The following C1orf21 variants were observed in gnomAD, a reference collection of about 807,000 sequenced individuals.
C1orf21 encodes the protein chromosome 1 open reading frame 21, also known as uncharacterized protein C1orf21.
In C1orf21, 3 loss-of-function variants were observed where a neutral mutation model predicts 18.7. That is an observed-to-expected ratio of 0.16 (90% CI 0.07 to 0.42). The LOEUF (loss-of-function observed/expected upper bound fraction) is 0.42. Ranked by LOEUF, C1orf21 falls within the 10% of genes least tolerant of loss-of-function variation. The probability of loss-of-function intolerance (pLI) is 0.99; values close to 1 mark genes in which losing one functional copy is unlikely to be tolerated. For synonymous variants in C1orf21, 41 were observed against 46.4 expected (o/e 0.88, Z 0.47); for missense variants, 104 against 143.6 (o/e 0.72, Z 1.41).
chr1:184,419,155 G>A (rs545798929), intron 1 of C1orf21, among the ~76,000 whole-genome samples: 25 of 152,138 alleles, frequency 1.6e-4, no homozygotes, highest in African/African-American at 5.8e-4. Flanking sequence ...AGGCAGTCAC[G>A]GTGGTGTGAT....
intron 5 of C1orf21, among the ~76,000 whole-genome samples, chr1:184,617,192 C>T (rs1659839280): frequency 6.6e-6 from 1 of 152,134 alleles, no homozygotes; most frequent in Non-Finnish European, 1.5e-5. Context: ...GGGATGGAGA[C>T]CGTGATTATC....
intron 3 of C1orf21, among the ~76,000 whole-genome samples, chr1:184,578,905 G>A (rs570483539): frequency 4.0e-5 from 6 of 150,612 alleles, no homozygotes; most frequent in South Asian, 4.2e-4. Flanking sequence ...GCTCTGTCAC[G>A]TTTGAGACAG....
At chr1:184,451,972 G>C (rs1463887970) in intron 1 of C1orf21, among the ~76,000 whole-genome samples, 1 of 152,104 alleles carries the variant, frequency 6.6e-6, no homozygotes, top group Non-Finnish European at 1.5e-5. Context: ...ATGAATAAAA[G>C]CACTCCTCAG....
chr1:184,410,616 AT>A lies in C1orf21; in HGVS notation c.-125+23250del, dbSNP rs1163343010. Among the ~76,000 whole-genome samples the A allele has an allele frequency of 1.0e-3, 43 of 41,982 alleles. 5 individuals are homozygous for A. The highest frequency in any genetic ancestry group is 6.4e-3 in the African/African-American group (29 of 4,502). The allele number at this position is 41,982 out of a possible 152,430, so 27.5% of individuals were successfully genotyped here. A position where few individuals can be genotyped will look rare whatever the true frequency, so the allele number is the denominator to read the frequency against. On this transcript the variant is annotated intron_variant, in intron 1 of 5. Coordinates refer to ENST00000235307, the MANE Select transcript of C1orf21 (RefSeq NM_030806.4). ...AGTGAAAGATTAATTTGCCATATAT[AT>A]TATATATATATATATATATATATAT...
intron 1 of C1orf21, among the ~76,000 whole-genome samples, chr1:184,396,058 A>G (rs1218646652): frequency 1.3e-5 from 2 of 152,178 alleles, no homozygotes; most frequent in Admixed American, 6.5e-5. Context: ...GAAGAAATGT[A>G]ATGACGTGGA....
At chr1:184,553,130 C>G (rs1571411871) in intron 3 of C1orf21, among the ~76,000 whole-genome samples, 1 of 152,090 alleles carries the variant, frequency 6.6e-6, no homozygotes, top group Admixed American at 6.5e-5. Flanking sequence ...TTAATACAAT[C>G]TGGGTACGAC....
At chr1:184,571,142 A>G (rs1659105135) in intron 3 of C1orf21, among the ~76,000 whole-genome samples, 1 of 152,044 alleles carries the variant, frequency 6.6e-6, no homozygotes, top group South Asian at 2.1e-4. Context: ...AAAATACAAA[A>G]AAAAATTAGC....
At chr1:184,403,263 G>A (rs529168134) in intron 1 of C1orf21, among the ~76,000 whole-genome samples, 3 of 152,324 alleles carry the variant, frequency 2.0e-5, no homozygotes, top group Admixed American at 6.5e-5. Context: ...AATAGTAAGA[G>A]TAACCTACAA....
At chr1:184,564,520 C>G (rs1659009521) in intron 3 of C1orf21, among the ~76,000 whole-genome samples, 1 of 152,076 alleles carries the variant, frequency 6.6e-6, no homozygotes, top group Admixed American at 6.6e-5. Flanking sequence ...GTTGGCCAGG[C>G]TGGTCTTGAA....
chr1:184,427,849 A>C (rs1253817250), intron 1 of C1orf21, among the ~76,000 whole-genome samples: 1 of 151,972 alleles, frequency 6.6e-6, no homozygotes, highest in African/African-American at 2.4e-5. Context: ...CTCTTAGCTC[A>C]TTTTGGGCAC....
chr1:184,466,080 A>G (rs946664536), intron 1 of C1orf21, among the ~76,000 whole-genome samples: 2 of 152,194 alleles, frequency 1.3e-5, no homozygotes, highest in African/African-American at 4.8e-5. Context: ...GCTACTTCAA[A>G]TGGAGAACAT....
intron 1 of C1orf21, among the ~76,000 whole-genome samples, chr1:184,425,419 C>A (rs1366405286): frequency 1.3e-5 from 2 of 152,004 alleles, no homozygotes; most frequent in Admixed American, 6.6e-5. Flanking sequence ...GCATGTGCCA[C>A]CATGCCTAAT....
intron 1 of C1orf21, among the ~76,000 whole-genome samples, chr1:184,417,483 C>A (rs928159626): frequency 6.6e-6 from 1 of 152,088 alleles, no homozygotes; most frequent in African/African-American, 2.4e-5. Flanking sequence ...AAATTATAGA[C>A]CTCAAAAATT....
intron 2 of C1orf21, among the ~76,000 whole-genome samples, chr1:184,505,219 T>C (rs1211544704): frequency 6.7e-6 from 1 of 150,178 alleles, no homozygotes; most frequent in Non-Finnish European, 1.5e-5. Flanking sequence ...TCTGGGTCTT[T>C]CAGAAGGTTC....
intron 3 of C1orf21, among the ~76,000 whole-genome samples, chr1:184,568,235 T>G (rs898534912): frequency 6.6e-6 from 1 of 152,164 alleles, no homozygotes; most frequent in Non-Finnish European, 1.5e-5. Context: ...AATATAAAAT[T>G]TATCATCTTA....
At chr1:184,552,639 TCCCAGTATTA>T (rs1412586342) in intron 3 of C1orf21, among the ~76,000 whole-genome samples, 2 of 152,100 alleles carry the variant, frequency 1.3e-5, no homozygotes, top group Non-Finnish European at 2.9e-5. Flanking sequence ...TAACCAAATT[TCCCAGTATTA>T]CCCGGATGAG....
At chr1:184,428,544 C>T (rs1004292585) in intron 1 of C1orf21, among the ~76,000 whole-genome samples, 1 of 152,162 alleles carries the variant, frequency 6.6e-6, no homozygotes, top group African/African-American at 2.4e-5. Context: ...CAAAATATAC[C>T]TACATCCTAC....
chr1:184,504,207 C>T (rs142711809), intron 2 of C1orf21, among the ~76,000 whole-genome samples: 9 of 152,194 alleles, frequency 5.9e-5, no homozygotes, highest in Middle Eastern at 3.4e-3. Flanking sequence ...CTGTTCCCGA[C>T]GTGCATTTTA....
At chr1:184,603,858 A>G (rs1369074878) in intron 5 of C1orf21, among the ~76,000 whole-genome samples, 1 of 152,236 alleles carries the variant, frequency 6.6e-6, no homozygotes. Context: ...CATCTATTGA[A>G]CAGTCATTTA....
Sources: allele counts gnomAD v4.1 joint callset (sites outside exome capture counted in the v4.1 genomes callset), GRCh38; gene constraint gnomAD v4.1.1; transcripts MANE v1.5; gene names NCBI Gene and HGNC (gene_info 2026-07-23, HGNC 2026-07-21).